Variants in STAG1 observed in about 807,000 individuals in gnomAD.
The protein encoded by STAG1 is STAG1 cohesin complex component, also known as cohesin subunit SA-1.
A neutral mutation model predicts 170.9 loss-of-function variants in STAG1; 26 were observed. The observed-to-expected ratio is 0.15, with a 90% CI of 0.11 to 0.21. STAG1 has a LOEUF of 0.21. Ranked by LOEUF, STAG1 falls within the 10% of genes least tolerant of loss-of-function variation. The pLI is 1.00. For missense variants in STAG1, 964 were observed against 1,509.5 expected, an observed-to-expected ratio of 0.64 and a Z score of 5.99; for synonymous variants, 514 against 497.7, an observed-to-expected ratio of 1.03 and a Z score of -0.44.
intron 1 of STAG1, among the ~76,000 whole-genome samples, chr3:136,733,010 T>G (rs112801747): frequency 2.6e-5 from 4 of 152,162 alleles, no homozygotes; most frequent in African/African-American, 9.6e-5. Flanking sequence ...TTACTTAGAT[T>G]ACGATATGTC....
At chr3:136,371,270 A>C (rs1246408318) in intron 23 of STAG1, among the ~76,000 whole-genome samples, 1 of 152,096 alleles carries the variant, frequency 6.6e-6, no homozygotes, top group Non-Finnish European at 1.5e-5. Context: ...TTGTCAGATA[A>C]GTAGGTTGCA....
intron 6 of STAG1, among the ~76,000 whole-genome samples, chr3:136,532,367 C>G (rs1935417244): frequency 6.6e-6 from 1 of 152,082 alleles, no homozygotes; most frequent in African/African-American, 2.4e-5. Flanking sequence ...TCTGGTTTTG[C>G]TAACAGGGTA....
intron 1 of STAG1, among the ~76,000 whole-genome samples, chr3:136,750,560 A>G (rs1421057932): frequency 6.6e-6 from 1 of 152,252 alleles, no homozygotes; most frequent in African/African-American, 2.4e-5. Flanking sequence ...TAGCCTTATC[A>G]GAACATCGAA....
intron 19 of STAG1, among the ~76,000 whole-genome samples, chr3:136,421,956 T>A (rs2087970185): frequency 6.6e-6 from 1 of 151,972 alleles, no homozygotes; most frequent in African/African-American, 2.4e-5. Context: ...TTCACCAGCC[T>A]GGTCAATATG....
intron 4 of STAG1, among the ~76,000 whole-genome samples, chr3:136,588,652 T>C (rs1231045465): frequency 1.3e-5 from 2 of 151,956 alleles, no homozygotes; most frequent in Non-Finnish European, 2.9e-5. Context: ...ATTTTTTTTT[T>C]TGTCTCCCTC....
chr3:136,504,955 C>T (rs1367995897), intron 7 of STAG1, among the ~76,000 whole-genome samples: 1 of 152,006 alleles, frequency 6.6e-6, no homozygotes, highest in African/African-American at 2.4e-5. Flanking sequence ...AATATATCTT[C>T]GGAAACATAT....
chr3:136,521,434 G>A lies in STAG1; in HGVS notation c.472-17C>T. The A allele has an allele frequency of 6.2e-7, 1 of 1,607,542 alleles. No individual in the cohort carries two copies. The highest frequency in any genetic ancestry group is 8.5e-7 in the Non-Finnish European group (1 of 1,174,790). On this transcript the variant is annotated splice_polypyrimidine_tract_variant and intron_variant, in intron 6 of 33. Coordinates refer to ENST00000383202, the MANE Select transcript of STAG1 (RefSeq NM_005862.3). ...ACCACTGTCCTAAAAAACAGAAAAA[G>A]AACATATTAAGTATGTCACATTACA...
chr3:136,699,533 C>T (rs1054913402), intron 1 of STAG1, among the ~76,000 whole-genome samples: 1 of 151,900 alleles, frequency 6.6e-6, no homozygotes, highest in Admixed American at 6.6e-5. Flanking sequence ...TGGGACTAAG[C>T]GCCACCACGT....
intron 1 of STAG1, among the ~76,000 whole-genome samples, chr3:136,650,844 T>C (rs551992174): frequency 2.6e-4 from 40 of 151,528 alleles, no homozygotes; most frequent in Non-Finnish European, 4.7e-4. Context: ...GCAGTTCAAC[T>C]GAATGTGGTG....
Position 136,422,310 on chromosome 3 carries a change from A to G in STAG1, c.2037+100T>C. ...AGTTTTGGAAGGGGCAGACAATTCT[A>G]CTCAATTTCATTTTAAAATGAAAAT... On this transcript the variant is annotated intron_variant, in intron 19 of 33. Transcript: ENST00000383202. The G allele has an allele frequency of 1.7e-5, 19 of 1,126,084 alleles. No homozygotes were observed. In the South Asian group the frequency reaches 2.9e-4, roughly 17 times the overall value. 69.8% of individuals were successfully genotyped at this position (1,126,084 alleles called of 1,614,324 possible).
chr3:136,465,462 C>G (rs1165052451), intron 12 of STAG1, among the ~76,000 whole-genome samples: 1 of 147,334 alleles, frequency 6.8e-6, no homozygotes, highest in Non-Finnish European at 1.5e-5. Flanking sequence ...CTCAGATAAT[C>G]CAGCTGCTAC....
At chr3:136,599,000 C>G (rs1254902435) in intron 4 of STAG1, among the ~76,000 whole-genome samples, 4 of 152,130 alleles carry the variant, frequency 2.6e-5, no homozygotes, top group Non-Finnish European at 5.9e-5. Context: ...AAAATTATCT[C>G]TTCAAAAATT....
intron 6 of STAG1, among the ~76,000 whole-genome samples, chr3:136,538,245 A>G (rs1935736335): frequency 6.6e-6 from 1 of 152,190 alleles, no homozygotes; most frequent in African/African-American, 2.4e-5. Flanking sequence ...AAATATGCAT[A>G]TGCTGCAAAG....
intron 6 of STAG1, among the ~76,000 whole-genome samples, chr3:136,528,983 C>A (rs1576572248): frequency 6.6e-6 from 1 of 151,312 alleles, no homozygotes; most frequent in East Asian, 1.9e-4. Context: ...ACCAAAAAAC[C>A]CCCACAAATT....
At chr3:136,631,792 C>T (rs1036478877) in intron 1 of STAG1, among the ~76,000 whole-genome samples, 3 of 151,972 alleles carry the variant, frequency 2.0e-5, no homozygotes, top group African/African-American at 4.8e-5. Flanking sequence ...GCCATTATAC[C>T]GTATCAAATG....
At chr3:136,713,048 C>T (rs745861541) in intron 1 of STAG1, among the ~76,000 whole-genome samples, 8 of 152,048 alleles carry the variant, frequency 5.3e-5, no homozygotes, top group South Asian at 2.1e-4. Flanking sequence ...GCCAAGATTG[C>T]GCCACTGCAC....
chr3:136,340,318 C>T (rs1935916806), intron 32 of STAG1, among the ~76,000 whole-genome samples, 173 bp downstream of exon 32: 2 of 152,106 alleles, frequency 1.3e-5, no homozygotes, highest in Non-Finnish European at 1.5e-5. Flanking sequence ...GACGGGGTTT[C>T]TCCATATTGG....
intron 2 of STAG1, among the ~76,000 whole-genome samples, chr3:136,624,634 C>G (rs1195921324): frequency 1.3e-5 from 2 of 152,174 alleles, no homozygotes; most frequent in Non-Finnish European, 2.9e-5. Flanking sequence ...TGGGTATAGA[C>G]CATCCGATAC....
At chr3:136,688,783 A>C (rs904706744) in intron 1 of STAG1, among the ~76,000 whole-genome samples, 1 of 152,236 alleles carries the variant, frequency 6.6e-6, no homozygotes, top group Non-Finnish European at 1.5e-5. Flanking sequence ...AAGCAGAGTG[A>C]CCTAAATGTA....
Sources: allele counts gnomAD v4.1 joint callset (sites outside exome capture counted in the v4.1 genomes callset), GRCh38; gene constraint gnomAD v4.1.1; transcripts MANE v1.5; gene names NCBI Gene and HGNC (gene_info 2026-07-23, HGNC 2026-07-21).